Variants in FAF1 observed in about 807,000 individuals in gnomAD.
FAF1 encodes the protein Fas associated factor 1, also known as FAS-associated factor 1.
Under a neutral mutation model 92.5 loss-of-function variants are expected in FAF1, and 25 were observed. The observed-to-expected ratio is 0.27, with a 90% confidence interval of 0.20 to 0.38. The LOEUF (loss-of-function observed/expected upper bound fraction) is 0.38. Ranked by LOEUF, FAF1 falls within the 10% of genes least tolerant of loss-of-function variation. The probability of loss-of-function intolerance (pLI) is 1.00; values close to 1 mark genes in which losing one functional copy is unlikely to be tolerated. For missense variants in FAF1, 636 were observed against 793.3 expected, an observed-to-expected ratio of 0.80 and a Z score of 2.38; for synonymous variants, 234 against 273.2, an observed-to-expected ratio of 0.86 and a Z score of 1.42.
chr1:50,611,824 C>T (rs988820220), intron 8 of FAF1, among the ~76,000 whole-genome samples: 1 of 152,244 alleles, frequency 6.6e-6, no homozygotes, highest in African/African-American at 2.4e-5. Context: ...ATTTCTCACC[C>T]CCCACCAACC....
rs78803013 is a variant in FAF1 at position 50,609,410 on chromosome 1, G to T, written c.745-13194C>A. The stretch of plus-strand genomic sequence containing the variant: ...CATCTCTAGTATTTATTTGAGGCAA[G>T]GTCTCACTCTGTCACCCAGGCTGGA... On this transcript the variant is annotated intron_variant, in intron 8 of 18. Transcript: ENST00000396153. Among the ~76,000 whole-genome samples the T allele has an allele frequency of 4.6e-5, 7 of 152,160 alleles. No individual in the cohort carries two copies. In the East Asian group the frequency reaches 1.4e-3, roughly 29 times the overall value.
intron 1 of FAF1, among the ~76,000 whole-genome samples, chr1:50,879,903 G>C (rs772135440): frequency 6.6e-6 from 1 of 152,190 alleles, no homozygotes; most frequent in Non-Finnish European, 1.5e-5. Context: ...ATAAGATGTG[G>C]AAGGGACTAT....
intron 4 of FAF1, among the ~76,000 whole-genome samples, chr1:50,760,538 T>C (rs2124526876): frequency 6.6e-6 from 1 of 152,208 alleles, no homozygotes; most frequent in South Asian, 2.1e-4. Context: ...GAAACTCATT[T>C]AAAACTGCTC....
At chr1:50,759,721 T>C (rs374429958) in intron 4 of FAF1, among the ~76,000 whole-genome samples, 13 of 152,254 alleles carry the variant, frequency 8.5e-5, no homozygotes, top group East Asian at 3.9e-4. Flanking sequence ...CCTGAGGAAT[T>C]GCCACACTGA....
chr1:50,858,922 C>T (rs1012997178), intron 1 of FAF1, among the ~76,000 whole-genome samples: 2 of 151,744 alleles, frequency 1.3e-5, no homozygotes, highest in Non-Finnish European at 2.9e-5. Flanking sequence ...TCCAACAGCA[C>T]ATCAAAAAGT....
intron 2 of FAF1, among the ~76,000 whole-genome samples, chr1:50,851,201 C>T (rs12096836): frequency 0.02 from 3,044 of 152,030 alleles, 100 homozygotes; most frequent in African/African-American, 0.071. Flanking sequence ...CTATCTCAGC[C>T]TCCTGAGTAG....
At chr1:50,442,470 T>A (rs1646180211) in intron 18 of FAF1, among the ~76,000 whole-genome samples, 1 of 152,212 alleles carries the variant, frequency 6.6e-6, no homozygotes, top group Non-Finnish European at 1.5e-5. Context: ...TAGCAAAGTG[T>A]CTTGCCCAGA....
At chr1:50,485,773 G>T (rs757362293) in intron 17 of FAF1, among the ~76,000 whole-genome samples, 2 of 150,814 alleles carry the variant, frequency 1.3e-5, no homozygotes, top group Non-Finnish European at 2.9e-5. Flanking sequence ...AGGCTTAACA[G>T]GAAGGATGAC....
intron 1 of FAF1, among the ~76,000 whole-genome samples, chr1:50,900,690 C>G (rs911877187): frequency 6.6e-6 from 1 of 152,206 alleles, no homozygotes; most frequent in Non-Finnish European, 1.5e-5. Flanking sequence ...CAGTAAGTCT[C>G]TTTTTCACAT....
At chr1:50,539,936 C>T (rs192327849) in intron 13 of FAF1, among the ~76,000 whole-genome samples, 282 of 152,084 alleles carry the variant, frequency 1.9e-3, no homozygotes, top group Middle Eastern at 3.4e-3. Context: ...GAAGCATACC[C>T]TAAATGCTGT....
intron 8 of FAF1, among the ~76,000 whole-genome samples, chr1:50,621,890 G>C (rs1434763126): frequency 6.6e-6 from 1 of 152,132 alleles, no homozygotes; most frequent in African/African-American, 2.4e-5. Context: ...TGCTGGCCAG[G>C]CACAGTGGCT....
At chr1:50,935,452 C>T (rs1645078291) in intron 1 of FAF1, among the ~76,000 whole-genome samples, 1 of 151,674 alleles carries the variant, frequency 6.6e-6, no homozygotes, top group Non-Finnish European at 1.5e-5. Flanking sequence ...TGAGTCATCA[C>T]CCCTGGCCTG....
At chr1:50,941,513 G>A (rs1216982187) in intron 1 of FAF1, among the ~76,000 whole-genome samples, 3 of 152,148 alleles carry the variant, frequency 2.0e-5, no homozygotes, top group Non-Finnish European at 4.4e-5. Context: ...CACCGTGCCA[G>A]TCCTCAGCTA....
At chr1:50,772,227 G>C (rs1374184255) in intron 4 of FAF1, among the ~76,000 whole-genome samples, 1 of 152,110 alleles carries the variant, frequency 6.6e-6, no homozygotes, top group Non-Finnish European at 1.5e-5. Flanking sequence ...TAAGAAAAGG[G>C]AATGCTTATA....
chr1:50,710,670 T>C (rs575931010), intron 6 of FAF1, among the ~76,000 whole-genome samples: 1 of 151,638 alleles, frequency 6.6e-6, no homozygotes, highest in Admixed American at 6.6e-5. Flanking sequence ...TGGTGCGACC[T>C]CGGCTCACTG....
At position 50,482,739 on chromosome 1, in the gene FAF1, T is replaced by C. The variant is rs1646717901; in HGVS notation, c.1654-7060A>G. The stretch of plus-strand genomic sequence containing the variant: ...ACATATATTGTGGTTTTAATTTGTA[T>C]CTCCCTAACGGCTAAAAATTTTGAG... On this transcript the variant is annotated intron_variant, in intron 17 of 18. Transcript: ENST00000396153. 2.6e-5 allele frequency among the ~76,000 whole-genome samples: 4 copies of C among 152,204 alleles called. No homozygotes were observed. The South Asian group carries it at 8.3e-4, about 31-fold the overall frequency.
At chr1:50,814,714 A>C (rs1267260378) in intron 2 of FAF1, among the ~76,000 whole-genome samples, 1 of 152,182 alleles carries the variant, frequency 6.6e-6, no homozygotes, top group Non-Finnish European at 1.5e-5. Context: ...AGACATACAA[A>C]TGGCCAATAA....
intron 8 of FAF1, among the ~76,000 whole-genome samples, chr1:50,649,605 A>G (rs1280213728): frequency 2.0e-5 from 3 of 152,118 alleles, no homozygotes; most frequent in Admixed American, 1.3e-4. Flanking sequence ...TTCTGAGTGA[A>G]TATTTTGTGG....
At chr1:50,709,218 T>C (rs1657814958) in intron 6 of FAF1, among the ~76,000 whole-genome samples, 1 of 152,184 alleles carries the variant, frequency 6.6e-6, no homozygotes, top group Admixed American at 6.6e-5. Context: ...TTCCAAATAC[T>C]GCACAGCTTT....
Sources: allele counts gnomAD v4.1 joint callset (sites outside exome capture counted in the v4.1 genomes callset), GRCh38; gene constraint gnomAD v4.1.1; transcripts MANE v1.5; gene names NCBI Gene and HGNC (gene_info 2026-07-23, HGNC 2026-07-21).